EDAR: variants seen among roughly 807,000 people sequenced by gnomAD.
The protein encoded by EDAR is ectodysplasin A receptor.
Under a neutral mutation model 51.3 loss-of-function variants are expected in EDAR, and 38 were observed. The observed-to-expected ratio is 0.74, with a 90% CI of 0.57 to 0.97. The LOEUF is 0.97. Among genes scored for constraint, EDAR ranks in the 50% least tolerant of loss-of-function variants. The pLI is 0.00. For missense variants in EDAR, 528 were observed against 595.0 expected, an observed-to-expected ratio of 0.89 and a Z score of 1.17; for synonymous variants, 227 against 242.1, an observed-to-expected ratio of 0.94 and a Z score of 0.58.
rs562684129 is a variant in EDAR, at chr2:108,984,114, C to T, written c.-19+4846G>A. On this transcript the variant is annotated intron_variant, in intron 1 of 11. Transcript: ENST00000258443. The stretch of plus-strand genomic sequence containing the variant: ...AGGTTAGGGTCTTCATAATTTTTCT[C>T]AGAATGGATCCCTTTGGCATGTGTT... Among the ~76,000 whole-genome samples the T allele has an allele frequency of 9.8e-4, 149 of 152,278 alleles. 1 individual carries two copies. Among genetic ancestry groups the T allele is most frequent in the African/African-American group, 3.5e-3 (146 of 41,556 alleles).
chr2:108,929,785 A>G (rs1697330617), intron 3 of EDAR, among the ~76,000 whole-genome samples: 1 of 152,158 alleles, frequency 6.6e-6, no homozygotes, highest in Non-Finnish European at 1.5e-5. Flanking sequence ...GAGATGCAGC[A>G]CTCAGGAAAA....
intron 1 of EDAR, among the ~76,000 whole-genome samples, chr2:108,960,764 T>C (rs1698023138): frequency 1.3e-5 from 2 of 152,240 alleles, no homozygotes; most frequent in Non-Finnish European, 2.9e-5. Context: ...TATAGATATA[T>C]AGATATATCA....
rs554276427 is a variant in EDAR at position 108,925,145 on chromosome 2, C to T, written c.357-1692G>A. ...AAGCCTTGTTCACGTCTATTGGTCC[C>T]GCTCCTGGGCTGGGAGGCCCTCCAG... On this transcript the variant is annotated intron_variant, in intron 4 of 11. Transcript: ENST00000258443. Among the ~76,000 whole-genome samples, 13 of 150,566 alleles carry T rather than the reference C, an allele frequency of 8.6e-5. No individual in the cohort carries two copies. In the South Asian group the frequency reaches 2.1e-3, roughly 24 times the overall value.
At chr2:108,974,068 G>A (rs1283743073) in intron 1 of EDAR, among the ~76,000 whole-genome samples, 3 of 151,926 alleles carry the variant, frequency 2.0e-5, no homozygotes, top group Non-Finnish European at 2.9e-5. Context: ...GGTGGCTCAC[G>A]CCTGTAATCC....
intron 1 of EDAR, among the ~76,000 whole-genome samples, chr2:108,958,428 A>C (rs1393187812): frequency 6.6e-6 from 1 of 152,098 alleles, no homozygotes; most frequent in Non-Finnish European, 1.5e-5. Flanking sequence ...AACAAAAAAC[A>C]AAAAACAAAA....
intron 1 of EDAR, among the ~76,000 whole-genome samples, chr2:108,951,420 G>A (rs1697825952): frequency 6.6e-6 from 1 of 152,220 alleles, no homozygotes; most frequent in East Asian, 1.9e-4. Flanking sequence ...AGAAAGGCCA[G>A]GATGTCTTAT....
chr2:108,961,131 C>A (rs1382028424), intron 1 of EDAR, among the ~76,000 whole-genome samples: 2 of 152,212 alleles, frequency 1.3e-5, no homozygotes, highest in African/African-American at 4.8e-5. Context: ...GCAGACCCTG[C>A]AGAGTGGCCC....
intron 1 of EDAR, among the ~76,000 whole-genome samples, chr2:108,987,483 G>A (rs1698517188): frequency 1.3e-5 from 2 of 152,242 alleles, no homozygotes; most frequent in Admixed American, 1.3e-4. Flanking sequence ...CCCCTGACAT[G>A]TCTGTGCTTC....
chr2:108,909,057 G>A (rs1471525953), intron 9 of EDAR, among the ~76,000 whole-genome samples: 1 of 152,190 alleles, frequency 6.6e-6, no homozygotes, highest in Non-Finnish European at 1.5e-5. Context: ...AGGGACAAAA[G>A]CTCAGTGCCT....
chr2:108,963,663 G>A (rs1432144269), intron 1 of EDAR, among the ~76,000 whole-genome samples: 11 of 152,318 alleles, frequency 7.2e-5, no homozygotes, highest in East Asian at 1.9e-4. Flanking sequence ...CAAGAGCCAG[G>A]AGCCCTTTCA....
chr2:108,902,025 G>T (rs928105024), intron 11 of EDAR, among the ~76,000 whole-genome samples: 1 of 152,052 alleles, frequency 6.6e-6, no homozygotes, highest in Non-Finnish European at 1.5e-5. Flanking sequence ...GGACCACAAG[G>T]TCAGGAGTTC....
chr2:108,938,190 T>C (rs140423617), intron 1 of EDAR, among the ~76,000 whole-genome samples: 2,629 of 152,288 alleles, frequency 0.017, 29 homozygotes, highest in Middle Eastern at 0.034. Flanking sequence ...ATCTCATCTT[T>C]CTATTTGACT....
chr2:108,917,935 G>T (rs1302492199), intron 5 of EDAR, among the ~76,000 whole-genome samples: 1 of 152,044 alleles, frequency 6.6e-6, no homozygotes, highest in Non-Finnish European at 1.5e-5. Context: ...CAGAAAAATT[G>T]CCATGGAAAA....
At chr2:108,912,400 C>T (rs77325905) in intron 6 of EDAR, among the ~76,000 whole-genome samples, 3,775 of 152,312 alleles carry the variant, frequency 0.025, 172 homozygotes, top group African/African-American at 0.087. Context: ...CCTGGCCGGG[C>T]TTGCAGCTGC....
intron 1 of EDAR, among the ~76,000 whole-genome samples, chr2:108,961,222 T>G (rs949190520): frequency 2.6e-5 from 4 of 151,772 alleles, no homozygotes; most frequent in African/African-American, 7.2e-5. Context: ...TAATTTTTAA[T>G]GAAAGGGTAA....
chr2:108,971,384 T>G (rs541673474), intron 1 of EDAR, among the ~76,000 whole-genome samples: 1 of 152,134 alleles, frequency 6.6e-6, no homozygotes, highest in East Asian at 1.9e-4. Flanking sequence ...AAAATCTTCA[T>G]TGTAACAAGA....
chr2:108,971,520 TC>T (rs1698232979), intron 1 of EDAR, among the ~76,000 whole-genome samples: 1 of 151,698 alleles, frequency 6.6e-6, no homozygotes, highest in Non-Finnish European at 1.5e-5. Flanking sequence ...TTTTTGAAAC[TC>T]CCCAGGCATT....
intron 1 of EDAR, among the ~76,000 whole-genome samples, chr2:108,954,837 G>A (rs559961176): frequency 2.0e-5 from 3 of 152,116 alleles, no homozygotes; most frequent in South Asian, 2.1e-4. Context: ...CACCATGGCC[G>A]GCTAATTTTT....
At chr2:108,974,767 G>T (rs1698293943) in intron 1 of EDAR, among the ~76,000 whole-genome samples, 1 of 151,978 alleles carries the variant, frequency 6.6e-6, no homozygotes, top group South Asian at 2.1e-4. Flanking sequence ...TTCAGATAAA[G>T]AAACTGAAAC....
Sources: allele counts gnomAD v4.1 joint callset (sites outside exome capture counted in the v4.1 genomes callset), GRCh38; gene constraint gnomAD v4.1.1; transcripts MANE v1.5; gene names NCBI Gene and HGNC (gene_info 2026-07-23, HGNC 2026-07-21).